The following ADTRP variants were observed in gnomAD, a reference collection of about 807,000 sequenced individuals.
ADTRP encodes androgen-dependent TFPI-regulating protein.
ADTRP carries 20 observed loss-of-function variants against 27.0 expected under a neutral mutation model. That is an observed-to-expected ratio of 0.74 (90% CI 0.52 to 1.08). The LOEUF is 1.08. Among genes scored for constraint, ADTRP ranks in the 50% least tolerant of loss-of-function variants. The probability of loss-of-function intolerance (pLI) is 0.00; values close to 1 mark genes in which losing one functional copy is unlikely to be tolerated. For synonymous variants in ADTRP, 101 were observed against 105.2 expected (o/e 0.96, Z 0.25); for missense variants, 251 against 275.0 (o/e 0.91, Z 0.62).
intron 1 of ADTRP, among the ~76,000 whole-genome samples, chr6:11,775,946 A>G (rs1297354570): frequency 1.3e-5 from 2 of 152,240 alleles, no homozygotes; most frequent in Non-Finnish European, 2.9e-5. Flanking sequence ...TAAGAATGTG[A>G]GCGTAAGTTG....
At chr6:11,741,575 C>T (rs916091490) in intron 3 of ADTRP, among the ~76,000 whole-genome samples, 1 of 152,210 alleles carries the variant, frequency 6.6e-6, no homozygotes, top group South Asian at 2.1e-4. Context: ...CTTTTACTTA[C>T]TACACTGCTG....
intron 3 of ADTRP, among the ~76,000 whole-genome samples, chr6:11,740,782 T>C (rs1388681928): frequency 1.3e-5 from 2 of 152,234 alleles, no homozygotes; most frequent in East Asian, 1.9e-4. Flanking sequence ...ATTTTGTATC[T>C]GAAAGCAGAG....
chr6:11,731,020 G>A (rs1762363318), intron 4 of ADTRP, among the ~76,000 whole-genome samples: 1 of 152,232 alleles, frequency 6.6e-6, no homozygotes, highest in Non-Finnish European at 1.5e-5. Flanking sequence ...TGGGGATGTT[G>A]GACCCAGTGG....
In ADTRP at chr6:11,771,447, C is replaced by G. The variant is rs935235506; in HGVS notation, c.154-3064G>C. Among the ~76,000 whole-genome samples the G allele has an allele frequency of 7.2e-5, 11 of 152,194 alleles. No individual in the cohort carries two copies. In the East Asian group the frequency reaches 1.2e-3, roughly 16 times the overall value. ...GGCTGCCAGGAGCAGCTGGGGCACA[C>G]GGAGAGCGAGAGAGCCTCTCCCAGG... On this transcript the variant is annotated intron_variant, in intron 1 of 5. Transcript: ENST00000414691.
Position 11,760,776 on chromosome 6 carries a change from C to G in ADTRP, c.390+5498G>C, listed in dbSNP as rs542982450. Among the ~76,000 whole-genome samples the G allele has an allele frequency of 8.5e-5, 13 of 152,274 alleles. 1 individual carries two copies. Among genetic ancestry groups the G allele is most frequent in the African/African-American group, 2.6e-4 (11 of 41,554 alleles). ...GTGCCTAAATGGAACAATTGATTTC[C>G]TTATTCACAATCCTTGCACCTCCCA... is the stretch of plus-strand genomic sequence containing the variant. On this transcript the variant is annotated intron_variant, in intron 3 of 5. Coordinates refer to ENST00000414691, the MANE Select transcript of ADTRP (RefSeq NM_032744.4).
chr6:11,742,854 T>C (rs1762760399), intron 3 of ADTRP, among the ~76,000 whole-genome samples: 1 of 152,058 alleles, frequency 6.6e-6, no homozygotes, highest in Non-Finnish European at 1.5e-5. Context: ...TCCCCATGGG[T>C]GTTTTGTTTG....
chr6:11,756,008 A>T (rs1306313723), intron 3 of ADTRP, among the ~76,000 whole-genome samples: 1 of 152,206 alleles, frequency 6.6e-6, no homozygotes, highest in Non-Finnish European at 1.5e-5. Flanking sequence ...TTTGCTGGTC[A>T]TTGTTGCCAG....
chr6:11,723,312 A>C, intron 5 of ADTRP, 37 bp downstream of exon 5: 1 of 1,607,826 alleles, frequency 6.2e-7, no homozygotes, highest in Non-Finnish European at 8.5e-7. Context: ...CAGACACGGA[A>C]GAAGCGCATC....
At chr6:11,720,611 A>G (rs1008251399) in intron 5 of ADTRP, among the ~76,000 whole-genome samples, 99 of 152,004 alleles carry the variant, frequency 6.5e-4, no homozygotes, top group Non-Finnish European at 1.3e-3. Flanking sequence ...AGCTGGGACT[A>G]CAGGCGCCCG....
At chr6:11,715,867 T>C (rs2113864479) in intron 5 of ADTRP, among the ~76,000 whole-genome samples, 1 of 143,104 alleles carries the variant, frequency 7.0e-6, no homozygotes, top group African/African-American at 2.6e-5. Flanking sequence ...AGGGTCTCAC[T>C]ATGTTGCTCA....
intron 3 of ADTRP, chr6:11,755,107 A>G: frequency 1.0e-6 from 1 of 984,234 alleles, no homozygotes; most frequent in Non-Finnish European, 1.2e-6. Flanking sequence ...GGATGTGAGC[A>G]CTGGTTGATT....
intron 3 of ADTRP, among the ~76,000 whole-genome samples, chr6:11,739,578 T>C (rs918270846): frequency 8.4e-6 from 1 of 119,236 alleles, no homozygotes; most frequent in Non-Finnish European, 2.2e-5. Context: ...AAAATAGCCT[T>C]GCAGATGATA....
At chr6:11,777,048 G>A (rs1581378897) in intron 1 of ADTRP, among the ~76,000 whole-genome samples, 1 of 152,326 alleles carries the variant, frequency 6.6e-6, no homozygotes, top group East Asian at 1.9e-4. Flanking sequence ...AGAGACAGTA[G>A]TAAGGTTGAA....
intron 3 of ADTRP, among the ~76,000 whole-genome samples, chr6:11,742,252 C>T (rs939180301): frequency 6.6e-6 from 1 of 152,172 alleles, no homozygotes; most frequent in African/African-American, 2.4e-5. Context: ...CCCTTCTACT[C>T]AGTCTCCTTA....
chr6:11,753,198 C>T (rs2294419), intron 3 of ADTRP, among the ~76,000 whole-genome samples: 47,158 of 152,072 alleles, frequency 0.31, 8,792 homozygotes, highest in Non-Finnish European at 0.42. Flanking sequence ...TGCTCCTCCT[C>T]ACACCAATCT....
intron 5 of ADTRP, among the ~76,000 whole-genome samples, chr6:11,717,837 A>C (rs1761881447): frequency 6.6e-6 from 1 of 152,260 alleles, no homozygotes; most frequent in African/African-American, 2.4e-5. Flanking sequence ...AGATGAAGTT[A>C]GGACAAGAAA....
At chr6:11,737,115 G>A (rs1762578200) in intron 3 of ADTRP, among the ~76,000 whole-genome samples, 1 of 152,152 alleles carries the variant, frequency 6.6e-6, no homozygotes, top group Non-Finnish European at 1.5e-5. Flanking sequence ...CCTGGGAAAG[G>A]TCACTGGAGT....
At chr6:11,742,149 C>T (rs1223363763) in intron 3 of ADTRP, among the ~76,000 whole-genome samples, 1 of 152,118 alleles carries the variant, frequency 6.6e-6, no homozygotes, top group Non-Finnish European at 1.5e-5. Flanking sequence ...AATGTTGCTA[C>T]TCCCCAGCAT....
intron 3 of ADTRP, among the ~76,000 whole-genome samples, chr6:11,751,011 C>A (rs1278379313): frequency 6.6e-6 from 1 of 152,178 alleles, no homozygotes; most frequent in African/African-American, 2.4e-5. Context: ...ATCACCACAC[C>A]TGGCTAATTT....
Sources: gnomAD v4.1 joint callset for allele counts (sites outside exome capture counted in the v4.1 genomes callset) on GRCh38, gnomAD v4.1.1 for gene constraint, MANE v1.5 for transcripts, NCBI Gene and HGNC (gene_info 2026-07-23, HGNC 2026-07-21) for gene names.